The following ARHGAP15 variants were observed in gnomAD, a reference collection of about 807,000 sequenced individuals.
ARHGAP15 encodes the protein rho GTPase-activating protein 15.
A neutral mutation model predicts 63.7 loss-of-function variants in ARHGAP15; 51 were observed. That is an observed-to-expected ratio of 0.80 (90% CI 0.64 to 1.01). The LOEUF (loss-of-function observed/expected upper bound fraction) is 1.01, where lower values mean the gene tolerates loss of function less well. Ranked by LOEUF, ARHGAP15 falls within the 50% of genes least tolerant of loss-of-function variation. The pLI is 0.00. For synonymous variants in ARHGAP15, 191 were observed against 193.8 expected, an observed-to-expected ratio of 0.99 and a Z score of 0.12; for missense variants, 560 against 564.6, an observed-to-expected ratio of 0.99 and a Z score of 0.08.
At chr2:143,659,767 C>T (rs1681654176) in intron 12 of ARHGAP15, among the ~76,000 whole-genome samples, 1 of 152,160 alleles carries the variant, frequency 6.6e-6, no homozygotes, top group Non-Finnish European at 1.5e-5. Context: ...GTCTATTTAT[C>T]AGCTTTCATT....
chr2:143,480,791 G>C (rs1271531565), intron 8 of ARHGAP15: 1 of 152,234 alleles, frequency 6.6e-6, no homozygotes, highest in Admixed American at 6.5e-5. Flanking sequence ...TGAAACCACA[G>C]GCGGGGGAAG....
chr2:143,224,377 G>A (rs573600585), intron 4 of ARHGAP15, among the ~76,000 whole-genome samples: 1 of 152,090 alleles, frequency 6.6e-6, no homozygotes, highest in Admixed American at 6.5e-5. Flanking sequence ...AAATTTGAAA[G>A]GCCATATACT....
At chr2:143,524,567 A>G (rs767349969) in intron 10 of ARHGAP15, among the ~76,000 whole-genome samples, 5 of 152,232 alleles carry the variant, frequency 3.3e-5, no homozygotes, top group African/African-American at 4.8e-5. Flanking sequence ...GCAACTTGGA[A>G]AAAGGATGGC....
intron 13 of ARHGAP15, among the ~76,000 whole-genome samples, chr2:143,716,383 G>T (rs1246577148): frequency 3.3e-5 from 5 of 152,054 alleles, no homozygotes; most frequent in Non-Finnish European, 5.9e-5. Context: ...TCTTATCTGG[G>T]ATTAGTAGCA....
intron 1 of ARHGAP15, among the ~76,000 whole-genome samples, chr2:143,146,539 G>A (rs918207996): frequency 7.2e-5 from 11 of 151,884 alleles, no homozygotes; most frequent in African/African-American, 2.7e-4. Context: ...TGTGTTTCTT[G>A]GTTTGGCTGT....
intron 9 of ARHGAP15, among the ~76,000 whole-genome samples, chr2:143,509,222 G>A (rs1328044512): frequency 1.3e-5 from 2 of 151,958 alleles, no homozygotes; most frequent in African/African-American, 4.8e-5. Context: ...ATAAACATGT[G>A]GGGGAAAACT....
intron 6 of ARHGAP15, among the ~76,000 whole-genome samples, chr2:143,327,310 TG>T (rs1199819606): frequency 6.6e-5 from 10 of 152,186 alleles, no homozygotes; most frequent in Admixed American, 4.6e-4. Context: ...TCGTGAAAAT[TG>T]CTGTACGGCC....
intron 10 of ARHGAP15, among the ~76,000 whole-genome samples, chr2:143,545,791 AC>A (rs766976121): frequency 3.3e-5 from 5 of 152,094 alleles, no homozygotes; most frequent in Non-Finnish European, 7.4e-5. Context: ...AATTAGAATC[AC>A]CTGCATTTCC....
intron 6 of ARHGAP15, among the ~76,000 whole-genome samples, chr2:143,414,874 A>G (rs1032759456): frequency 9.9e-5 from 15 of 152,194 alleles, no homozygotes; most frequent in Non-Finnish European, 2.2e-4. Context: ...GGTTGCAGTG[A>G]GTCAAGATCA....
At chr2:143,224,345 G>GA (rs1020677071) in intron 4 of ARHGAP15, among the ~76,000 whole-genome samples, 4 of 152,144 alleles carry the variant, frequency 2.6e-5, no homozygotes, top group South Asian at 2.1e-4. Flanking sequence ...ACATAAAGCA[G>GA]AAAAAATCTC....
chr2:143,560,871 T>C (rs1695992248), intron 11 of ARHGAP15, among the ~76,000 whole-genome samples: 1 of 152,246 alleles, frequency 6.6e-6, no homozygotes, highest in African/African-American at 2.4e-5. Flanking sequence ...TTGGTGCGTT[T>C]GTGAGCAGCG....
At chr2:143,424,779 T>A (rs1689074078) in intron 6 of ARHGAP15, among the ~76,000 whole-genome samples, 1 of 152,172 alleles carries the variant, frequency 6.6e-6, no homozygotes. Flanking sequence ...TTCTAATGTT[T>A]TCACATGCTG....
chr2:143,483,855 C>A (rs1397710517), intron 8 of ARHGAP15, among the ~76,000 whole-genome samples: 1 of 152,170 alleles, frequency 6.6e-6, no homozygotes, highest in African/African-American at 2.4e-5. Context: ...TCCAAAATGA[C>A]CTGAGGTCAA....
At chr2:143,319,226 G>A (rs967247287) in intron 6 of ARHGAP15, among the ~76,000 whole-genome samples, 7 of 144,982 alleles carry the variant, frequency 4.8e-5, no homozygotes, top group South Asian at 2.2e-4. Context: ...ATTGGTTCCC[G>A]CCTTTTTTTT....
At chr2:143,215,779 A>G (rs6430011) in intron 3 of ARHGAP15, among the ~76,000 whole-genome samples, 26,342 of 152,182 alleles carry the variant, frequency 0.17, 2,484 homozygotes, top group Middle Eastern at 0.25. Flanking sequence ...TCCTTTAAGA[A>G]ACTTGCAGCT....
chr2:143,168,607 T>A (rs1690642763), intron 2 of ARHGAP15, among the ~76,000 whole-genome samples: 1 of 149,880 alleles, frequency 6.7e-6, no homozygotes, highest in African/African-American at 2.4e-5. Flanking sequence ...TTTTAAATAC[T>A]CTGTTTATTC....
chr2:143,493,970 G>A (rs1166343252), intron 9 of ARHGAP15, among the ~76,000 whole-genome samples: 4 of 152,070 alleles, frequency 2.6e-5, no homozygotes, highest in Admixed American at 2.0e-4. Flanking sequence ...TTGTACCATT[G>A]TTACTTTGAA....
chr2:143,145,839 G>GGTGTGTGTGT (rs4008348), intron 1 of ARHGAP15, among the ~76,000 whole-genome samples: 4 of 142,726 alleles, frequency 2.8e-5, no homozygotes, highest in Admixed American at 1.4e-4. Flanking sequence ...TATGTATAGG[G>GGTGTGTGTGT]GTGTGTGTGT....
In ARHGAP15 at chr2:143,225,973, C is replaced by T. The variant is rs1413873277; in HGVS notation, c.297-2608C>T. Among the ~76,000 whole-genome samples the T allele has an allele frequency of 2.6e-5, 4 of 152,294 alleles. No individual in the cohort carries two copies. The South Asian group carries it at 6.2e-4, about 24-fold the overall frequency. On this transcript the variant is annotated intron_variant, in intron 4 of 13. Coordinates refer to ENST00000295095, the MANE Select transcript of ARHGAP15 (RefSeq NM_018460.4). ...ATGAAATTCTTTTCAAGCAATAACA[C>T]TGAGCCCATGGAAAAGCTTTCACTT... is the stretch of plus-strand genomic sequence containing the variant.
Sources: gnomAD v4.1 joint callset for allele counts (sites outside exome capture counted in the v4.1 genomes callset) on GRCh38, gnomAD v4.1.1 for gene constraint, MANE v1.5 for transcripts, NCBI Gene and HGNC (gene_info 2026-07-23, HGNC 2026-07-21) for gene names.